Variants in ATP9B observed in about 807,000 individuals in gnomAD.
The protein encoded by ATP9B is ATPase phospholipid transporting 9B.
Under a neutral mutation model 146.1 loss-of-function variants are expected in ATP9B, and 110 were observed. The observed-to-expected ratio is 0.75, with a 90% CI of 0.65 to 0.88. The LOEUF (loss-of-function observed/expected upper bound fraction) is 0.88. Among genes scored for constraint, ATP9B ranks in the 40% least tolerant of loss-of-function variants. ATP9B has a pLI of 0.00. For synonymous variants in ATP9B, 604 were observed against 569.7 expected (o/e 1.06, Z -0.86); for missense variants, 1,499 against 1,496.4 (o/e 1.00, Z -0.03).
intron 12 of ATP9B, among the ~76,000 whole-genome samples, chr18:79,258,022 T>C (rs2145211836): frequency 6.6e-6 from 1 of 152,320 alleles, no homozygotes; most frequent in South Asian, 2.1e-4. Context: ...CTTCTTTCTT[T>C]AGTAAAATAA....
intron 11 of ATP9B, among the ~76,000 whole-genome samples, chr18:79,236,469 C>T (rs2095842207): frequency 6.6e-6 from 1 of 151,662 alleles, no homozygotes; most frequent in African/African-American, 2.4e-5. Flanking sequence ...CATTGTTTAT[C>T]AACCTTTTTT....
intron 2 of ATP9B, among the ~76,000 whole-genome samples, chr18:79,106,046 ATGATT>A (rs1452581509): frequency 2.6e-5 from 4 of 152,186 alleles, no homozygotes; most frequent in Admixed American, 2.6e-4. Flanking sequence ...GTTTAATGTT[ATGATT>A]TGATTATAGA....
intron 8 of ATP9B, among the ~76,000 whole-genome samples, chr18:79,188,356 T>C (rs1225929753): frequency 4.6e-5 from 7 of 152,182 alleles, no homozygotes; most frequent in African/African-American, 1.4e-4. Context: ...CAGGCCAAGG[T>C]TGGGAAATAC....
chr18:79,311,641 C>T (rs1046417858), intron 15 of ATP9B, among the ~76,000 whole-genome samples: 11 of 152,130 alleles, frequency 7.2e-5, no homozygotes, highest in African/African-American at 2.2e-4. Flanking sequence ...ACGTCATTAG[C>T]CATGTAAGAA....
chr18:79,256,538 C>T (rs2096083019), intron 12 of ATP9B, among the ~76,000 whole-genome samples: 1 of 150,628 alleles, frequency 6.6e-6, no homozygotes, highest in African/African-American at 2.4e-5. Context: ...TTTTTAAATT[C>T]CATTTTTTCT....
chr18:79,149,055 T>G (rs546760264), intron 6 of ATP9B, among the ~76,000 whole-genome samples: 4 of 152,358 alleles, frequency 2.6e-5, no homozygotes, highest in African/African-American at 9.6e-5. Flanking sequence ...CCATCTCTTT[T>G]CGATTGGAGC....
chr18:79,339,684 C>T (rs531153677), intron 19 of ATP9B, among the ~76,000 whole-genome samples: 2 of 150,160 alleles, frequency 1.3e-5, no homozygotes, highest in South Asian at 2.1e-4. Flanking sequence ...GTGTCATGAT[C>T]GCAGTAGGAA....
In ATP9B at chr18:79,224,047, G is replaced by A. The variant is rs141490444; in HGVS notation, c.1107+10009G>A. Among the ~76,000 whole-genome samples, 1,002 of 152,204 alleles carry A rather than the reference G, an allele frequency of 6.6e-3. 11 individuals carry two copies. The highest frequency in any genetic ancestry group is 0.023 in the African/African-American group (966 of 41,528). On this transcript the variant is annotated intron_variant, in intron 11 of 29. Transcript: ENST00000426216. ...CTTTACATAAAGTTCTGAATAAGAA[G>A]GGCTTACTAATTATTTGTTGCATAT...
At chr18:79,244,508 G>A (rs979997329) in intron 11 of ATP9B, among the ~76,000 whole-genome samples, 2 of 151,920 alleles carry the variant, frequency 1.3e-5, no homozygotes, top group East Asian at 3.8e-4. Flanking sequence ...TGGGAATTTC[G>A]GAATACTGTG....
intron 13 of ATP9B, 72 bp downstream of exon 13, chr18:79,277,268 GAT>G (rs2096322075): frequency 1.9e-6 from 3 of 1,556,872 alleles, no homozygotes; most frequent in Non-Finnish European, 2.6e-6. Flanking sequence ...ATAGCGTATA[GAT>G]ATATGTTTAT....
intron 6 of ATP9B, among the ~76,000 whole-genome samples, chr18:79,152,731 C>T (rs1043619466): frequency 1.3e-5 from 2 of 152,038 alleles, no homozygotes; most frequent in African/African-American, 2.4e-5. Context: ...ACATTGAAGT[C>T]GAGGTCAGGT....
At chr18:79,265,067 C>T (rs1436456335) in intron 12 of ATP9B, among the ~76,000 whole-genome samples, 2 of 152,180 alleles carry the variant, frequency 1.3e-5, no homozygotes, top group Non-Finnish European at 2.9e-5. Context: ...TCCTCCCACC[C>T]TCCAGCCTCC....
chr18:79,249,681 T>G (rs1001724143), intron 11 of ATP9B, among the ~76,000 whole-genome samples: 24 of 151,940 alleles, frequency 1.6e-4, no homozygotes. Flanking sequence ...GTTAACTGGT[T>G]TTTATTTTAA....
At chr18:79,085,326 A>G (rs2073715993) in intron 1 of ATP9B, 1 of 152,250 alleles carries the variant, frequency 6.6e-6, no homozygotes, top group South Asian at 2.1e-4. Context: ...ACATTTCAAC[A>G]TGAAATTTGC....
chr18:79,366,526 CCT>C (rs1180997483), intron 26 of ATP9B, among the ~76,000 whole-genome samples: 1 of 152,178 alleles, frequency 6.6e-6, no homozygotes, highest in Non-Finnish European at 1.5e-5. Flanking sequence ...CAGATTTCTC[CCT>C]GTTAGCGATG....
intron 2 of ATP9B, 70 bp from the exon 3 acceptor site, chr18:79,110,285 T>C: frequency 7.1e-7 from 1 of 1,398,618 alleles, no homozygotes. Flanking sequence ...ACTCTAAATA[T>C]GTACAATTAG....
chr18:79,071,399 C>CTTTTTTA (rs2071774634), intron 1 of ATP9B, among the ~76,000 whole-genome samples: 1 of 69,268 alleles, frequency 1.4e-5, no homozygotes, highest in Admixed American at 2.7e-4. Context: ...ATTGTTCTTC[C>CTTTTTTA]TTTTTTTTTT....
At chr18:79,108,518 A>G (rs1284661497) in intron 2 of ATP9B, among the ~76,000 whole-genome samples, 3 of 152,186 alleles carry the variant, frequency 2.0e-5, no homozygotes, top group Admixed American at 2.0e-4. Context: ...TATTGTTTCA[A>G]AAGTGCTGAT....
intron 12 of ATP9B, among the ~76,000 whole-genome samples, chr18:79,256,666 A>T (rs1415839344): frequency 1.3e-5 from 2 of 152,004 alleles, no homozygotes; most frequent in Non-Finnish European, 2.9e-5. Context: ...CTCTCCTCTC[A>T]ATCAATGCTA....
Sources: gnomAD v4.1 joint callset for allele counts (sites outside exome capture counted in the v4.1 genomes callset) on GRCh38, gnomAD v4.1.1 for gene constraint, MANE v1.5 for transcripts, NCBI Gene and HGNC (gene_info 2026-07-23, HGNC 2026-07-21) for gene names.